CASTOR2: variants seen among roughly 807,000 people sequenced by gnomAD.
CASTOR2 encodes the protein cytosolic arginine sensor for mTORC1 subunit 2.
CASTOR2 carries 8 observed loss-of-function variants against 31.2 expected under a neutral mutation model. That is an observed-to-expected ratio of 0.26 (90% CI 0.15 to 0.46). CASTOR2 has a LOEUF of 0.46. CASTOR2 is among the 20% of genes least tolerant of loss of function. The pLI is 0.99. For missense variants in CASTOR2, 216 were observed against 382.1 expected (o/e 0.57, Z 3.62); for synonymous variants, 162 against 158.7 (o/e 1.02, Z -0.16).
rs2131953127 is a variant in CASTOR2, at chr7:75,016,676, C to T, written c.185-922C>T. On this transcript the variant is annotated intron_variant, in intron 2 of 8. Transcript: ENST00000616305. ...ATGGGTGTGATGGCAGCATCAGACC[C>T]ACAAAAGGGTTGTAAGAACTAAAGG... 1.3e-5 allele frequency among the ~76,000 whole-genome samples: 2 copies of T among 152,248 alleles called. 1 individual carries two copies. Among genetic ancestry groups the T allele is most frequent in the South Asian group, 4.1e-4 (2 of 4,820 alleles).
intron 1 of CASTOR2, among the ~76,000 whole-genome samples, chr7:74,982,168 A>G (rs1309216307): frequency 1.4e-5 from 2 of 145,292 alleles, no homozygotes; most frequent in African/African-American, 5.2e-5. Context: ...CTGATAGGGG[A>G]TGGGGACAGG....
chr7:75,011,609 G>A (rs1275744539), intron 2 of CASTOR2, among the ~76,000 whole-genome samples: 2 of 150,406 alleles, frequency 1.3e-5, no homozygotes, highest in African/African-American at 2.5e-5. Context: ...GGTGGTGGGC[G>A]CCTGTGGTCC....
At chr7:75,009,884 ATTT>A (rs1186959059) in intron 2 of CASTOR2, among the ~76,000 whole-genome samples, 2 of 128,664 alleles carry the variant, frequency 1.6e-5, no homozygotes, top group African/African-American at 2.9e-5. Context: ...CAGGCACTTA[ATTT>A]TTTTTTTTTT....
chr7:75,016,400 A>C (rs1423534187), intron 2 of CASTOR2, among the ~76,000 whole-genome samples: 1 of 152,170 alleles, frequency 6.6e-6, no homozygotes, highest in African/African-American at 2.4e-5. Context: ...GCCAAAGCCA[A>C]TGCCAGCCCC....
At position 75,018,070 on chromosome 7, in the gene CASTOR2, C is replaced by T. The variant is rs1804908115; in HGVS notation, c.459C>T (p.Thr153=). Residue 153 remains threonine, a synonymous_variant, in exon 4 of 9, where the codon ACC becomes ACT. Coordinates refer to ENST00000616305, the MANE Select transcript of CASTOR2 (RefSeq NM_001145064.3). ...FTILRVVNGE[T]VAAENLGITN... is the part of the protein sequence containing the mutation. ...TCCTGCGGGTCGTCAATGGCGAGAC[C>T]GTGGCAGCCGAGAACCTCGGCATCA... 6.2e-6 allele frequency: 10 copies of T among 1,614,018 alleles called. No homozygotes were observed. The highest frequency in any genetic ancestry group is 2.2e-5 in the South Asian group (2 of 91,086).
intron 1 of CASTOR2, among the ~76,000 whole-genome samples, chr7:74,984,084 C>T (rs1183354314): frequency 1.3e-5 from 2 of 150,216 alleles, no homozygotes; most frequent in East Asian, 2.0e-4. Flanking sequence ...TGGCCTGACC[C>T]GGCCTTTCTG....
At chr7:74,988,233 A>G (rs587707696) in intron 1 of CASTOR2, among the ~76,000 whole-genome samples, 4 of 150,864 alleles carry the variant, frequency 2.7e-5, no homozygotes, top group Non-Finnish European at 2.9e-5. Flanking sequence ...GGGTCAAGCA[A>G]TTCTCCTGCC....
Position 74,970,226 on chromosome 7 carries a change from G to A in CASTOR2, c.113+5128G>A, listed in dbSNP as rs1284023808. 3.0e-4 allele frequency among the ~76,000 whole-genome samples: 31 copies of A among 104,770 alleles called. 2 individuals are homozygous for A. Among genetic ancestry groups the A allele is most frequent in the South Asian group, 1.1e-3 (3 of 2,830 alleles). 68.7% of individuals were successfully genotyped at this position (104,770 alleles called of 152,430 possible). A position where few individuals can be genotyped will look rare whatever the true frequency, so the allele number is the denominator to read the frequency against. ...ACACCTGGTAGAAGCAGAGCCCAGC[G>A]ACCCTGTCCCGGGTCTGCTGAACCA... On this transcript the variant is annotated intron_variant, in intron 1 of 8. Coordinates refer to ENST00000616305, the MANE Select transcript of CASTOR2 (RefSeq NM_001145064.3).
rs1209469316 is a variant in CASTOR2 at position 75,017,680 on chromosome 7, C to T, written c.267C>T (p.Ser89=). 6 of 1,614,050 alleles carry T rather than the reference C, an allele frequency of 3.7e-6. No individual in the cohort carries two copies. Among genetic ancestry groups the T allele is most frequent in the African/African-American group, 2.7e-5 (2 of 75,064 alleles). ...LNVVSGGGSF[S]SSQPIGVTKI... ...TGGTGTCCGGCGGTGGCAGCTTCTC[C>T]AGCTCCCAGCCCATCGGCGTGACCA... The change falls in exon 3 of 9, where the codon TCC becomes TCT. Residue 89 remains serine (S), a synonymous_variant. Coordinates refer to ENST00000616305, the MANE Select transcript of CASTOR2 (RefSeq NM_001145064.3).
intron 4 of CASTOR2, among the ~76,000 whole-genome samples, chr7:75,018,586 C>T (rs1350635149): frequency 1.3e-5 from 2 of 152,114 alleles, no homozygotes; most frequent in African/African-American, 2.4e-5. Flanking sequence ...GCCTTGCTGC[C>T]GTGTCTAGCA....
rs1158426608 is a variant in CASTOR2 at position 75,002,389 on chromosome 7, C to T, written c.114-5605C>T. On this transcript the variant is annotated intron_variant, in intron 1 of 8. Coordinates refer to ENST00000616305, the MANE Select transcript of CASTOR2 (RefSeq NM_001145064.3). ...ATCCCAGCACTTTGGGAGGCTGAGG[C>T]GGGTGGATCTTCTGAGGTCAGGAGT... Among the ~76,000 whole-genome samples, 12 of 150,904 alleles carry T rather than the reference C, an allele frequency of 8.0e-5. No homozygotes were observed. The South Asian group carries it at 8.6e-4, about 11-fold the overall frequency.
intron 1 of CASTOR2, among the ~76,000 whole-genome samples, chr7:74,988,007 C>CT (rs1199869924): frequency 0.098 from 13,821 of 141,586 alleles, 2,132 homozygotes; most frequent in African/African-American, 0.33. Flanking sequence ...TGCGCCTGGC[C>CT]TTTTTTTTTT....
intron 1 of CASTOR2, among the ~76,000 whole-genome samples, chr7:75,002,021 T>G (rs1212540772): frequency 6.6e-6 from 1 of 152,102 alleles, no homozygotes; most frequent in African/African-American, 2.4e-5. Context: ...GAGGACAACC[T>G]CTATGATGGG....
intron 1 of CASTOR2, among the ~76,000 whole-genome samples, chr7:74,994,348 C>A (rs1314293110): frequency 6.6e-6 from 1 of 152,192 alleles, no homozygotes; most frequent in African/African-American, 2.4e-5. Flanking sequence ...GGCGAGGGGA[C>A]CAGCTGCGAC....
At chr7:74,999,302 G>A (rs1421492021) in intron 1 of CASTOR2, among the ~76,000 whole-genome samples, 2 of 151,972 alleles carry the variant, frequency 1.3e-5, no homozygotes, top group African/African-American at 2.4e-5. Context: ...GAGCCACCGC[G>A]CCCGACCTTA....
intron 2 of CASTOR2, among the ~76,000 whole-genome samples, chr7:75,015,923 C>T (rs1185567977): frequency 6.6e-6 from 1 of 152,080 alleles, no homozygotes; most frequent in Non-Finnish European, 1.5e-5. Context: ...AAAAATTAGC[C>T]GGGCATGATG....
At chr7:75,024,246 C>T (rs1805072324) in intron 7 of CASTOR2, among the ~76,000 whole-genome samples, 194 bp from the exon 8 acceptor site, 9 of 152,100 alleles carry the variant, frequency 5.9e-5, no homozygotes, top group Admixed American at 3.9e-4. Flanking sequence ...AGTGAGCTCA[C>T]GCCAGTGCAC....
chr7:75,021,550 C>T (rs1219731836), intron 6 of CASTOR2, among the ~76,000 whole-genome samples: 8 of 152,156 alleles, frequency 5.3e-5, no homozygotes, highest in Admixed American at 4.6e-4. Flanking sequence ...GGATTTGAAC[C>T]GCAGCCCCGG....
Position 75,017,582 on chromosome 7 carries a change from C to T in CASTOR2, c.185-16C>T. On this transcript the variant is annotated splice_polypyrimidine_tract_variant and intron_variant, in intron 2 of 8. Transcript: ENST00000616305. ...ACCTCAGCAGTCACAGGACTGCCTTCTGTGTCTCCCTCCAGAGCTGCCCTC... is the reference window on the plus strand; with the variant it reads ...ACCTCAGCAGTCACAGGACTGCCTTTTGTGTCTCCCTCCAGAGCTGCCCTC... 3.7e-6 allele frequency: 6 copies of T among 1,613,252 alleles called. No homozygotes were observed. Among genetic ancestry groups the T allele is most frequent in the South Asian group, 1.1e-5 (1 of 91,000 alleles).
Sources: gnomAD v4.1 joint callset for allele counts (sites outside exome capture counted in the v4.1 genomes callset) on GRCh38, gnomAD v4.1.1 for gene constraint, MANE v1.5 for transcripts, NCBI Gene and HGNC (gene_info 2026-07-23, HGNC 2026-07-21) for gene names.